Variants in TTC21B observed in about 807,000 individuals in gnomAD.
TTC21B encodes the protein tetratricopeptide repeat protein 21B.
Under a neutral mutation model 175.1 loss-of-function variants are expected in TTC21B, and 127 were observed. The observed-to-expected ratio is 0.73, with a 90% CI of 0.63 to 0.84. TTC21B has a LOEUF of 0.84. Ranked by LOEUF, TTC21B falls within the 40% of genes least tolerant of loss-of-function variation. TTC21B has a pLI of 0.00. For missense variants in TTC21B, 1,561 were observed against 1,558.3 expected, an observed-to-expected ratio of 1.00 and a Z score of -0.03; for synonymous variants, 524 against 524.5, an observed-to-expected ratio of 1.00 and a Z score of 0.01.
intron 9 of TTC21B, 32 bp from the exon 10 acceptor site, chr2:165,929,779 T>G: frequency 6.9e-7 from 1 of 1,450,118 alleles, no homozygotes; most frequent in Non-Finnish European, 9.7e-7. Context: ...ACAGTCAAAG[T>G]CCACACCAAT....
chr2:165,941,203 A>G lies in TTC21B; in HGVS notation c.553-19T>C, dbSNP rs2105360690. 6.2e-7 allele frequency: 1 copy of G among 1,613,558 alleles called. No individual in the cohort carries two copies. The highest frequency in any genetic ancestry group is 1.7e-5 in the Admixed American group (1 of 59,970). ...ATTGTGCCTAATGGAAGGGAAAAAAAGTGATATCCAAACTGTGATCTTTCA... is the reference window on the plus strand; with the variant it reads ...ATTGTGCCTAATGGAAGGGAAAAAAGGTGATATCCAAACTGTGATCTTTCA... On this transcript the variant is annotated intron_variant, in intron 5 of 28. Transcript: ENST00000243344.
At chr2:165,929,880 A>AGAAAGAAAGAAAATGAAGAGT in intron 9 of TTC21B, 133 bp from the exon 10 acceptor site, 1 of 729,656 alleles carries the variant, frequency 1.4e-6, no homozygotes, top group Non-Finnish European at 2.4e-6. Flanking sequence ...TAAAAACAAC[A>AGAAAGAAAGAAAATGAAGAGT]GAAAGAAAGA....
At chr2:165,940,224 T>C (rs184281512) in intron 6 of TTC21B, among the ~76,000 whole-genome samples, 3 of 152,170 alleles carry the variant, frequency 2.0e-5, no homozygotes, top group East Asian at 1.9e-4. Flanking sequence ...CATTTCTCAA[T>C]GATGGCAACA....
chr2:165,948,592 T>C (rs1364623823), intron 3 of TTC21B: 1 of 152,264 alleles, frequency 6.6e-6, no homozygotes, highest in Non-Finnish European at 1.5e-5. Flanking sequence ...ACAATCCTAT[T>C]AGCTGTTACT....
At chr2:165,917,614 G>A (rs1686225666) in intron 13 of TTC21B, 133 bp from the exon 14 acceptor site, 2 of 763,380 alleles carry the variant, frequency 2.6e-6, no homozygotes, top group African/African-American at 1.7e-5. Context: ...GTCTATCTCT[G>A]CCCTCTTATT....
At chr2:165,916,073 A>G (rs1174597095) in intron 14 of TTC21B, among the ~76,000 whole-genome samples, 1 of 152,174 alleles carries the variant, frequency 6.6e-6, no homozygotes. Context: ...ACTTAAGCCC[A>G]GTAGTTTGAG....
intron 6 of TTC21B, 27 bp from the exon 7 acceptor site, chr2:165,933,084 C>T (rs1308901776): frequency 6.3e-7 from 1 of 1,596,216 alleles, no homozygotes; most frequent in Admixed American, 1.7e-5. Flanking sequence ...TAGTTAATGT[C>T]AAAATAAATT....
chr2:165,933,148 T>C, intron 6 of TTC21B, 91 bp from the exon 7 acceptor site: 1 of 990,210 alleles, frequency 1.0e-6, no homozygotes, highest in South Asian at 1.4e-5. Context: ...TGCCTCACTA[T>C]TCCACTGTTC....
At chr2:165,884,413 CCTTAGTT>C (rs1207457491) in intron 25 of TTC21B, among the ~76,000 whole-genome samples, 1 of 152,168 alleles carries the variant, frequency 6.6e-6, no homozygotes, top group African/African-American at 2.4e-5. Flanking sequence ...CATTTAGGCT[CCTTAGTT>C]CTTTCACCTG....
chr2:165,901,709 T>A lies in TTC21B; in HGVS notation c.2757+13A>T, dbSNP rs760408381. ...GGAATAAAAGGTATTTAAAATTTTA[T>A]AAAGGTACTGACCTTATTATCTGTT... On this transcript the variant is annotated intron_variant, in intron 20 of 28. Transcript: ENST00000243344. 1 of 1,611,334 alleles carries A rather than the reference T, an allele frequency of 6.2e-7. No homozygotes were observed. Among genetic ancestry groups the A allele is most frequent in the South Asian group, 1.1e-5 (1 of 90,986 alleles).
At chr2:165,920,203 G>A (rs1422347645) in intron 12 of TTC21B, among the ~76,000 whole-genome samples, 1 of 152,128 alleles carries the variant, frequency 6.6e-6, no homozygotes, top group Non-Finnish European at 1.5e-5. Flanking sequence ...ATGTAAGTAG[G>A]CTAACTCCCC....
intron 6 of TTC21B, chr2:165,934,755 A>G (rs1019134239): frequency 5.3e-5 from 8 of 151,110 alleles, no homozygotes; most frequent in African/African-American, 1.9e-4. Context: ...AAAAAAATAC[A>G]CGCACTGAAA....
chr2:165,949,306 G>T lies in TTC21B; in HGVS notation c.262+88C>A, dbSNP rs919588957. 3.6e-5 allele frequency: 34 copies of T among 945,846 alleles called. No homozygotes were observed. In the Middle Eastern group the frequency reaches 2.0e-3, roughly 56 times the overall value. The allele number at this position is 945,846 out of a possible 1,614,324, so 58.6% of individuals were successfully genotyped here. A position where few individuals can be genotyped will look rare whatever the true frequency, so the allele number is the denominator to read the frequency against. On this transcript the variant is annotated intron_variant, in intron 3 of 28. Coordinates refer to ENST00000243344, the MANE Select transcript of TTC21B (RefSeq NM_024753.5). ...CTACAGAAAATACATAATATAGTGTGATCAGACTGAATGACTTGGTAACTG... is the reference window on the plus strand; with the variant it reads ...CTACAGAAAATACATAATATAGTGTTATCAGACTGAATGACTTGGTAACTG...
chr2:165,947,033 A>G (rs1687593650), intron 3 of TTC21B, among the ~76,000 whole-genome samples: 1 of 151,242 alleles, frequency 6.6e-6, no homozygotes, highest in African/African-American at 2.4e-5. Context: ...ATATATAAAC[A>G]TGCCAGCTAC....
At position 165,883,847 on chromosome 2, in the gene TTC21B, C is replaced by T. The variant is rs767696555; in HGVS notation, c.3631G>A (p.Ala1211Thr). 24 of 1,613,942 alleles carry T rather than the reference C, an allele frequency of 1.5e-5. No individual in the cohort carries two copies. In the African/African-American group the frequency reaches 2.4e-4, roughly 16 times the overall value. ...AGGTCTTCTGCCATGTCATATTTTGCTGATTGAATGTAAATATCAGCAAGT... is the reference window on the plus strand; with the variant it reads ...AGGTCTTCTGCCATGTCATATTTTGTTGATTGAATGTAAATATCAGCAAGT... ...LLLADIYIQS[A>T]KYDMAEDLLK... Residue 1211 changes from alanine to threonine, a missense_variant, in exon 26 of 29, where the codon GCA becomes ACA. Coordinates refer to ENST00000243344, the MANE Select transcript of TTC21B (RefSeq NM_024753.5).
intron 27 of TTC21B, chr2:165,880,111 A>G (rs1373203428): frequency 1.3e-5 from 2 of 157,460 alleles, no homozygotes; most frequent in Non-Finnish European, 2.8e-5. Context: ...TGGTCATGAC[A>G]TATATTCTGA....
At chr2:165,912,677 C>A (rs1685998200) in intron 16 of TTC21B, 53 bp from the exon 17 acceptor site, 1 of 1,309,914 alleles carries the variant, frequency 7.6e-7, no homozygotes. Context: ...TAACTGGGTC[C>A]CATTAAAGGG....
chr2:165,908,270 A>G (rs747735118), intron 18 of TTC21B, among the ~76,000 whole-genome samples: 1 of 152,152 alleles, frequency 6.6e-6, no homozygotes, highest in Non-Finnish European at 1.5e-5. Flanking sequence ...CTAGCCCTCT[A>G]ATTTTGAGCA....
At chr2:165,910,393 ACT>A (rs1157711923) in intron 18 of TTC21B, among the ~76,000 whole-genome samples, 1 of 151,464 alleles carries the variant, frequency 6.6e-6, no homozygotes. Flanking sequence ...ACAGAGTGAG[ACT>A]CTGTCTCAAA....
Sources: gnomAD v4.1 joint callset for allele counts (sites outside exome capture counted in the v4.1 genomes callset) on GRCh38, gnomAD v4.1.1 for gene constraint, MANE v1.5 for transcripts, NCBI Gene and HGNC (gene_info 2026-07-23, HGNC 2026-07-21) for gene names.